Variants in SLC20A2 observed in about 807,000 individuals in gnomAD.
SLC20A2 encodes sodium-dependent phosphate transporter 2.
In SLC20A2, 30 loss-of-function variants were observed where a neutral mutation model predicts 61.0. The observed-to-expected ratio is 0.49, with a 90% CI of 0.37 to 0.67. SLC20A2 has a LOEUF of 0.67. Ranked by LOEUF, SLC20A2 falls within the 30% of genes least tolerant of loss-of-function variation. SLC20A2 has a pLI of 0.00. For missense variants in SLC20A2, 626 were observed against 866.4 expected (o/e 0.72, Z 3.48); for synonymous variants, 351 against 353.3 (o/e 0.99, Z 0.07).
intron 2 of SLC20A2, among the ~76,000 whole-genome samples, chr8:42,470,178 T>C (rs1807514924): frequency 6.6e-6 from 1 of 151,878 alleles, no homozygotes; most frequent in African/African-American, 2.4e-5. Flanking sequence ...AATTCAATAA[T>C]GACTATAGTT....
chr8:42,489,439 A>G, intron 1 of SLC20A2, among the ~76,000 whole-genome samples: 2 of 46,554 alleles, frequency 4.3e-5, no homozygotes, highest in Non-Finnish European at 1.0e-4. Context: ...TGCCCCCCCC[A>G]CCCCGCCCCA....
At chr8:42,491,652 C>CA (rs1243780631) in intron 1 of SLC20A2, among the ~76,000 whole-genome samples, 46 of 151,838 alleles carry the variant, frequency 3.0e-4, no homozygotes, top group African/African-American at 1.1e-3. Context: ...GCCTGGGTGA[C>CA]AGAGTGAGAC....
At chr8:42,530,638 C>T (rs1812258797) in intron 1 of SLC20A2, among the ~76,000 whole-genome samples, 1 of 152,092 alleles carries the variant, frequency 6.6e-6, no homozygotes, top group Non-Finnish European at 1.5e-5. Flanking sequence ...CTAAAAAAGA[C>T]ATCTGGTAAA....
intron 10 of SLC20A2, among the ~76,000 whole-genome samples, chr8:42,420,777 T>G (rs1802987367): frequency 6.6e-6 from 1 of 152,212 alleles, no homozygotes; most frequent in Non-Finnish European, 1.5e-5. Context: ...ACAATCACAT[T>G]GTTTTGCAAA....
intron 7 of SLC20A2, among the ~76,000 whole-genome samples, chr8:42,438,081 A>AAC (rs1804479993): frequency 6.7e-6 from 1 of 149,926 alleles, no homozygotes; most frequent in Non-Finnish European, 1.5e-5. Flanking sequence ...AAAAAAAAAA[A>AAC]AAAAAAAACA....
intron 8 of SLC20A2, among the ~76,000 whole-genome samples, chr8:42,435,047 G>A (rs1053066830): frequency 6.6e-6 from 1 of 152,124 alleles, no homozygotes; most frequent in Admixed American, 6.5e-5. Context: ...AGTTCCTAGC[G>A]CTCTGCCAGT....
chr8:42,446,310 A>G (rs1198734130), intron 5 of SLC20A2, among the ~76,000 whole-genome samples: 2 of 152,218 alleles, frequency 1.3e-5, no homozygotes, highest in African/African-American at 2.4e-5. Context: ...TAGCACTGTC[A>G]TGTCTCCAGC....
chr8:42,427,540 C>A (rs1319026536), intron 10 of SLC20A2, among the ~76,000 whole-genome samples: 2 of 152,236 alleles, frequency 1.3e-5, no homozygotes, highest in Non-Finnish European at 2.9e-5. Flanking sequence ...GTACCCAGCA[C>A]TCTCCTGATG....
intron 5 of SLC20A2, among the ~76,000 whole-genome samples, chr8:42,447,741 CTATA>C (rs1252269756): frequency 6.6e-6 from 1 of 152,132 alleles, no homozygotes; most frequent in Non-Finnish European, 1.5e-5. Flanking sequence ...GTAGTTAATA[CTATA>C]TATAGTCAGA....
chr8:42,526,290 G>T (rs1301582944), intron 1 of SLC20A2, among the ~76,000 whole-genome samples: 2 of 151,828 alleles, frequency 1.3e-5, no homozygotes, highest in Admixed American at 1.3e-4. Context: ...AACAACAGAC[G>T]AATCTCAACT....
intron 1 of SLC20A2, among the ~76,000 whole-genome samples, chr8:42,499,272 G>A (rs1810163508): frequency 6.6e-6 from 1 of 152,124 alleles, no homozygotes. Context: ...GTCGCCCAAG[G>A]TCATAACCAG....
chr8:42,536,223 GTTC>G (rs1323664956), intron 1 of SLC20A2: 1 of 152,174 alleles, frequency 6.6e-6, no homozygotes, highest in Admixed American at 6.5e-5. Flanking sequence ...AATATATGAT[GTTC>G]TTCTTAAGGG....
At chr8:42,465,543 T>A (rs2131190422) in intron 3 of SLC20A2, among the ~76,000 whole-genome samples, 1 of 151,602 alleles carries the variant, frequency 6.6e-6, no homozygotes, top group East Asian at 2.0e-4. Context: ...AATACAAAAA[T>A]TAGCAGGCGT....
intron 1 of SLC20A2, among the ~76,000 whole-genome samples, chr8:42,492,887 T>C (rs1809633508): frequency 6.6e-6 from 1 of 152,108 alleles, no homozygotes; most frequent in Non-Finnish European, 1.5e-5. Context: ...TTCGCTGTGT[T>C]AGCCAGGATG....
chr8:42,462,161 A>G (rs1443074283), intron 4 of SLC20A2, among the ~76,000 whole-genome samples: 1 of 152,022 alleles, frequency 6.6e-6, no homozygotes, highest in Admixed American at 6.6e-5. Flanking sequence ...TGGATTCCAG[A>G]GACAGGAGGG....
At chr8:42,466,104 C>A (rs946061842) in intron 2 of SLC20A2, among the ~76,000 whole-genome samples, 187 bp from the exon 3 acceptor site, 4 of 152,192 alleles carry the variant, frequency 2.6e-5, no homozygotes, top group Non-Finnish European at 4.4e-5. Context: ...AAAGCTTCTG[C>A]CTTCCTCAAC....
At chr8:42,526,401 T>C (rs142910349) in intron 1 of SLC20A2, among the ~76,000 whole-genome samples, 5,645 of 150,620 alleles carry the variant, frequency 0.037, 302 homozygotes, top group African/African-American at 0.12. Flanking sequence ...CGGCTGGGTG[T>C]GGTGGCTCAC....
chr8:42,535,591 G>C (rs1042515476), intron 1 of SLC20A2, among the ~76,000 whole-genome samples: 15 of 152,202 alleles, frequency 9.9e-5, no homozygotes, highest in African/African-American at 3.6e-4. Context: ...CTACTGAATT[G>C]ATGACTTGGT....
intron 1 of SLC20A2, among the ~76,000 whole-genome samples, chr8:42,534,085 G>A (rs1812552592): frequency 6.6e-6 from 1 of 152,086 alleles, no homozygotes; most frequent in African/African-American, 2.4e-5. Flanking sequence ...GGGAGGCTGA[G>A]GTGGGTGGAT....
Sources: allele counts gnomAD v4.1 joint callset (sites outside exome capture counted in the v4.1 genomes callset), GRCh38; gene constraint gnomAD v4.1.1; transcripts MANE v1.5; gene names NCBI Gene and HGNC (gene_info 2026-07-23, HGNC 2026-07-21).